The following MYO3B variants were observed in gnomAD, a reference collection of about 807,000 sequenced individuals.
MYO3B encodes the protein myosin IIIB.
Under a neutral mutation model 174.6 loss-of-function variants are expected in MYO3B, and 156 were observed. That is an observed-to-expected ratio of 0.89 (90% confidence interval 0.78 to 1.02). The LOEUF (loss-of-function observed/expected upper bound fraction) is 1.02, where lower values mean the gene tolerates loss of function less well. MYO3B is among the 50% of genes least tolerant of loss of function. The pLI is 0.00. For missense variants in MYO3B, 1,632 were observed against 1,639.4 expected (o/e 1.00, Z 0.08); for synonymous variants, 563 against 569.1 (o/e 0.99, Z 0.15).
chr2:170,400,105 C>G (rs1344612156), intron 16 of MYO3B, 83 bp from the exon 17 acceptor site: 1 of 1,564,576 alleles, frequency 6.4e-7, no homozygotes, highest in African/African-American at 1.4e-5. Context: ...TGGTAGACAA[C>G]TAGTAGTTTC....
At chr2:170,613,207 A>G (rs1056714730) in intron 32 of MYO3B, among the ~76,000 whole-genome samples, 4 of 152,220 alleles carry the variant, frequency 2.6e-5, no homozygotes, top group Admixed American at 6.5e-5. Context: ...TTTCAGAAGC[A>G]TGAAAACAAC....
At chr2:170,323,480 A>G (rs2093843728) in intron 7 of MYO3B, among the ~76,000 whole-genome samples, 1 of 152,230 alleles carries the variant, frequency 6.6e-6, no homozygotes, top group East Asian at 1.9e-4. Context: ...CCCCATTAAT[A>G]TGATATAAAA....
chr2:170,269,619 A>G (rs964809174), intron 7 of MYO3B, among the ~76,000 whole-genome samples: 1 of 152,210 alleles, frequency 6.6e-6, no homozygotes, highest in African/African-American at 2.4e-5. Context: ...TAGGCATGCC[A>G]CGTAAGTTCA....
intron 30 of MYO3B, among the ~76,000 whole-genome samples, chr2:170,535,284 A>G (rs937411346): frequency 4.6e-5 from 7 of 152,222 alleles, no homozygotes; most frequent in Non-Finnish European, 7.4e-5. Context: ...CTTATATTGC[A>G]TGTGTCATAC....
intron 23 of MYO3B, among the ~76,000 whole-genome samples, chr2:170,457,969 G>T (rs1050477379): frequency 6.6e-6 from 1 of 152,110 alleles, no homozygotes; most frequent in African/African-American, 2.4e-5. Flanking sequence ...GGCCAGGCTG[G>T]TCTCGAACTC....
At chr2:170,469,319 C>A (rs929861238) in intron 25 of MYO3B, among the ~76,000 whole-genome samples, 10 of 152,116 alleles carry the variant, frequency 6.6e-5, no homozygotes, top group Non-Finnish European at 1.2e-4. Flanking sequence ...ATATACAAAG[C>A]CCACATTCTA....
intron 32 of MYO3B, chr2:170,648,030 C>T (rs1011583017): frequency 1.3e-5 from 2 of 152,190 alleles, no homozygotes; most frequent in African/African-American, 4.8e-5. Flanking sequence ...ATACTTCACA[C>T]CAGCAGCCGG....
At chr2:170,577,977 T>TGTGTGTGTGCACGTTTAC (rs1692889922) in intron 32 of MYO3B, among the ~76,000 whole-genome samples, 1 of 152,234 alleles carries the variant, frequency 6.6e-6, no homozygotes, top group Non-Finnish European at 1.5e-5. Context: ...GTGTACTGTA[T>TGTGTGTGTGCACGTTTAC]GTGTGTGTGC....
chr2:170,594,791 A>T (rs1019733444), intron 32 of MYO3B, among the ~76,000 whole-genome samples: 1 of 151,078 alleles, frequency 6.6e-6, no homozygotes, highest in Non-Finnish European at 1.5e-5. Flanking sequence ...GGTTGTTCCA[A>T]TCTGCCCAAT....
At chr2:170,622,826 G>C (rs1164603263) in intron 32 of MYO3B, among the ~76,000 whole-genome samples, 6 of 146,942 alleles carry the variant, frequency 4.1e-5, no homozygotes, top group African/African-American at 1.5e-4. Context: ...TGCGGTGTTT[G>C]GTTTTTTGTC....
At chr2:170,339,866 A>T (rs1158345176) in intron 8 of MYO3B, among the ~76,000 whole-genome samples, 1 of 152,146 alleles carries the variant, frequency 6.6e-6, no homozygotes, top group Non-Finnish European at 1.5e-5. Context: ...ACTGCTTTTC[A>T]TCCATATGCT....
At chr2:170,320,245 CTG>C in intron 7 of MYO3B, among the ~76,000 whole-genome samples, 1 of 152,170 alleles carries the variant, frequency 6.6e-6, no homozygotes, top group Non-Finnish European at 1.5e-5. Context: ...CAAGTTCTCA[CTG>C]TGTTGCCCAA....
intron 32 of MYO3B, among the ~76,000 whole-genome samples, chr2:170,605,843 G>A (rs1477172979): frequency 1.3e-5 from 2 of 152,026 alleles, no homozygotes; most frequent in Admixed American, 1.3e-4. Flanking sequence ...CTGGGGGAGA[G>A]AGTGAGACTC....
chr2:170,425,565 C>T (rs2094653954), intron 22 of MYO3B, among the ~76,000 whole-genome samples: 1 of 152,182 alleles, frequency 6.6e-6, no homozygotes, highest in African/African-American at 2.4e-5. Context: ...CAACTGTTGT[C>T]CAGATGATTA....
chr2:170,291,034 G>C (rs1266030959), intron 7 of MYO3B, among the ~76,000 whole-genome samples: 3 of 152,078 alleles, frequency 2.0e-5, no homozygotes, highest in African/African-American at 7.2e-5. Flanking sequence ...TGGATCACCT[G>C]AGTCAGGAGT....
intron 32 of MYO3B, among the ~76,000 whole-genome samples, chr2:170,574,934 A>G (rs967690983): frequency 6.6e-6 from 1 of 151,818 alleles, no homozygotes; most frequent in African/African-American, 2.4e-5. Context: ...TTCCCCTTTC[A>G]CTTACCCTCC....
Position 170,386,264 on chromosome 2 carries a change from T to C in MYO3B, c.1366T>C (p.Leu456=), listed in dbSNP as rs1300424440. ...CCTGATTGTTCAGCATTTGACTTTC[T>C]TGGGAAAGGTATTGACTAATCTGCT... is the stretch of plus-strand genomic sequence containing the variant. ...AHLIVQHLTF[L]GKANNQTLRE... Residue 456 remains leucine, a synonymous_variant, in exon 13 of 35, where the codon TTG becomes CTG. Transcript: ENST00000408978. The C allele has an allele frequency of 5.0e-6, 8 of 1,613,200 alleles. No individual in the cohort carries two copies. The highest frequency in any genetic ancestry group is 6.8e-6 in the Non-Finnish European group (8 of 1,179,358).
chr2:170,445,592 G>A (rs1487888481), intron 23 of MYO3B, among the ~76,000 whole-genome samples: 1 of 151,848 alleles, frequency 6.6e-6, no homozygotes, highest in Non-Finnish European at 1.5e-5. Context: ...CCGCCCACCT[G>A]GGCCTCCCCA....
chr2:170,433,028 G>C lies in MYO3B; in HGVS notation c.2651-10939G>C, dbSNP rs185650483. Among the ~76,000 whole-genome samples the C allele has an allele frequency of 2.4e-3, 359 of 152,158 alleles. 1 individual carries two copies. Among genetic ancestry groups the C allele is most frequent in the Non-Finnish European group, 4.0e-3 (275 of 68,002 alleles). On this transcript the variant is annotated intron_variant, in intron 22 of 34. Coordinates refer to ENST00000408978, the MANE Select transcript of MYO3B (RefSeq NM_138995.5). ...TTCACACATCACTCACTCACTCACT[G>C]ACTCACCCAGAGCAACTTCTAGTCC...
Sources: gnomAD v4.1 joint callset for allele counts (sites outside exome capture counted in the v4.1 genomes callset) on GRCh38, gnomAD v4.1.1 for gene constraint, MANE v1.5 for transcripts, NCBI Gene and HGNC (gene_info 2026-07-23, HGNC 2026-07-21) for gene names.